Variants in ST8SIA4 observed in about 807,000 individuals in gnomAD.
The protein encoded by ST8SIA4 is ST8 alpha-N-acetyl-neuraminide alpha-2,8-sialyltransferase 4.
Under a neutral mutation model 33.9 loss-of-function variants are expected in ST8SIA4, and 15 were observed. That is an observed-to-expected ratio of 0.44 (90% CI 0.30 to 0.68). The LOEUF is 0.68. ST8SIA4 is among the 30% of genes least tolerant of loss of function. The pLI, the probability that ST8SIA4 is intolerant of heterozygous loss-of-function variation, is 0.10. For synonymous variants in ST8SIA4, 171 were observed against 151.2 expected (o/e 1.13, Z -0.96); for missense variants, 321 against 428.0 (o/e 0.75, Z 2.21).
At chr5:100,874,290 C>G (rs1359079540) in intron 3 of ST8SIA4, among the ~76,000 whole-genome samples, 1 of 152,068 alleles carries the variant, frequency 6.6e-6, no homozygotes, top group Non-Finnish European at 1.5e-5. Flanking sequence ...ACTCTGTGGT[C>G]TCTATAATAG....
intron 4 of ST8SIA4, among the ~76,000 whole-genome samples, chr5:100,855,814 T>C (rs1751802699): frequency 6.6e-6 from 1 of 152,238 alleles, no homozygotes; most frequent in Admixed American, 6.5e-5. Context: ...AATTTTACTA[T>C]GAATTCTTAT....
chr5:100,902,383 A>G (rs962744247), intron 1 of ST8SIA4, among the ~76,000 whole-genome samples: 6 of 151,686 alleles, frequency 4.0e-5, no homozygotes, highest in African/African-American at 1.4e-4. Context: ...AAAAAAAAGT[A>G]GAGAAACAGA....
intron 1 of ST8SIA4, among the ~76,000 whole-genome samples, chr5:100,896,386 T>C (rs964106389): frequency 2.0e-5 from 3 of 152,054 alleles, no homozygotes; most frequent in African/African-American, 4.8e-5. Context: ...TATATATTGA[T>C]TCTAAAACAG....
intron 3 of ST8SIA4, among the ~76,000 whole-genome samples, chr5:100,865,000 T>C (rs1211195084): frequency 1.3e-5 from 2 of 152,156 alleles, no homozygotes; most frequent in Non-Finnish European, 2.9e-5. Context: ...AGTGATTTAT[T>C]GGAAAGCTGG....
intron 4 of ST8SIA4, among the ~76,000 whole-genome samples, chr5:100,855,105 T>C (rs1751786023): frequency 6.6e-6 from 1 of 152,222 alleles, no homozygotes; most frequent in Admixed American, 6.5e-5. Flanking sequence ...ACTCCATTAT[T>C]CCATACGTTT....
intron 2 of ST8SIA4, 34 bp downstream of exon 2, chr5:100,895,620 G>A (rs1554060817): frequency 1.9e-6 from 3 of 1,588,646 alleles, no homozygotes; most frequent in Admixed American, 3.5e-5. Context: ...AGAACATGAT[G>A]TGAAATTTAT....
intron 4 of ST8SIA4, among the ~76,000 whole-genome samples, chr5:100,815,020 G>C (rs1750886117): frequency 6.6e-6 from 1 of 151,848 alleles, no homozygotes; most frequent in South Asian, 2.1e-4. Flanking sequence ...ATAATGCATT[G>C]ATAAAATAAT....
chr5:100,876,949 C>T (rs537107583), intron 3 of ST8SIA4, among the ~76,000 whole-genome samples: 41 of 151,910 alleles, frequency 2.7e-4, no homozygotes, highest in South Asian at 6.2e-4. Context: ...CATTATTTAA[C>T]GTAATTGATT....
intron 4 of ST8SIA4, among the ~76,000 whole-genome samples, chr5:100,831,753 T>A (rs181029362): frequency 6.6e-6 from 1 of 152,160 alleles, no homozygotes; most frequent in African/African-American, 2.4e-5. Flanking sequence ...TGCTCCTATA[T>A]GAGTTGGGTC....
rs896576014 is a variant in ST8SIA4, at chr5:100,856,463, A to G, written c.504-67T>C. The G allele has an allele frequency of 2.8e-6, 4 of 1,442,606 alleles. No homozygotes were observed. In the Admixed American group the frequency reaches 9.0e-5, roughly 33 times the overall value. The allele number at this position is 1,442,606 out of a possible 1,614,324, so 89.4% of individuals were successfully genotyped here. On this transcript the variant is annotated intron_variant, in intron 3 of 4. Transcript: ENST00000231461. Reference sequence around the variant, plus strand: ...AATATTCACTGGTAAAATGGTGTTCATGAAAAGAAGAATGGGAAATAAGCA... The same window carrying G: ...AATATTCACTGGTAAAATGGTGTTCGTGAAAAGAAGAATGGGAAATAAGCA...
At chr5:100,864,151 T>A (rs970785077) in intron 3 of ST8SIA4, among the ~76,000 whole-genome samples, 5 of 152,114 alleles carry the variant, frequency 3.3e-5, no homozygotes, top group African/African-American at 1.2e-4. Flanking sequence ...AAGACAACAA[T>A]TTGTAAATAC....
chr5:100,848,842 T>C (rs1580460730), intron 4 of ST8SIA4, among the ~76,000 whole-genome samples: 2 of 150,708 alleles, frequency 1.3e-5, no homozygotes, highest in African/African-American at 4.8e-5. Flanking sequence ...TTTTATATAA[T>C]ATTTACCTAG....
intron 2 of ST8SIA4, among the ~76,000 whole-genome samples, chr5:100,888,169 G>C (rs1752581954): frequency 6.6e-6 from 1 of 151,032 alleles, no homozygotes; most frequent in Non-Finnish European, 1.5e-5. Flanking sequence ...TAACAAGAAG[G>C]GAAGAGTCCG....
rs141422676 is a variant in ST8SIA4, at chr5:100,830,055, C to T, written c.798-17926G>A. Among the ~76,000 whole-genome samples, 1,166 of 152,134 alleles carry T rather than the reference C, an allele frequency of 7.7e-3. 22 individuals are homozygous for T. The highest frequency in any genetic ancestry group is 7.9e-3 in the Non-Finnish European group (538 of 67,992). ...TATGTTTCATTTTTAAGAGTATACT[C>T]ATGTTATTTTTGCAATCTTTGGTCA... On this transcript the variant is annotated intron_variant, in intron 4 of 4. Transcript: ENST00000231461.
At chr5:100,890,051 A>T (rs1752626693) in intron 2 of ST8SIA4, among the ~76,000 whole-genome samples, 1 of 151,836 alleles carries the variant, frequency 6.6e-6, no homozygotes, top group African/African-American at 2.4e-5. Context: ...CCAAACTTTC[A>T]GTTTCTGTTT....
chr5:100,900,841 C>G (rs1190797461), intron 1 of ST8SIA4, among the ~76,000 whole-genome samples: 2 of 152,200 alleles, frequency 1.3e-5, no homozygotes, highest in Non-Finnish European at 2.9e-5. Flanking sequence ...TTCCCCCTAT[C>G]TTCTCACTCA....
intron 4 of ST8SIA4, among the ~76,000 whole-genome samples, chr5:100,837,772 A>G (rs1341332306): frequency 6.6e-6 from 1 of 151,460 alleles, no homozygotes; most frequent in Non-Finnish European, 1.5e-5. Context: ...AGGAATCTCT[A>G]CTGGTGAAAT....
At chr5:100,868,896 T>C (rs1381317640) in intron 3 of ST8SIA4, among the ~76,000 whole-genome samples, 1 of 152,124 alleles carries the variant, frequency 6.6e-6, no homozygotes, top group Non-Finnish European at 1.5e-5. Context: ...TATTCTACTA[T>C]ATATTAAACT....
intron 4 of ST8SIA4, among the ~76,000 whole-genome samples, chr5:100,835,336 C>T (rs1751344871): frequency 6.6e-6 from 1 of 152,032 alleles, no homozygotes; most frequent in African/African-American, 2.4e-5. Context: ...TTTTTTCCAT[C>T]ATAAACAAAT....
Sources: allele counts gnomAD v4.1 joint callset (sites outside exome capture counted in the v4.1 genomes callset), GRCh38; gene constraint gnomAD v4.1.1; transcripts MANE v1.5; gene names NCBI Gene and HGNC (gene_info 2026-07-23, HGNC 2026-07-21).